Variants in AFDN observed in about 807,000 individuals in gnomAD.
AFDN encodes the protein afadin, adherens junction formation factor.
AFDN carries 68 observed loss-of-function variants against 216.6 expected under a neutral mutation model. The ratio of observed to expected loss-of-function variants is 0.31; its 90% CI spans 0.26 to 0.38. The LOEUF is 0.38. AFDN is among the 10% of genes least tolerant of loss of function. AFDN has a pLI of 1.00. For synonymous variants in AFDN, 868 were observed against 853.7 expected, an observed-to-expected ratio of 1.02 and a Z score of -0.29; for missense variants, 2,136 against 2,342.0, an observed-to-expected ratio of 0.91 and a Z score of 1.82.
At chr6:167,872,682 G>GT (rs1467231285) in intron 4 of AFDN, among the ~76,000 whole-genome samples, 2 of 152,104 alleles carry the variant, frequency 1.3e-5, no homozygotes, top group Non-Finnish European at 2.9e-5. Context: ...CTTCAGCTGG[G>GT]TTTTTTCCTC....
At chr6:167,904,405 T>A (rs774870180) in intron 12 of AFDN, among the ~76,000 whole-genome samples, 1 of 152,106 alleles carries the variant, frequency 6.6e-6, no homozygotes, top group Non-Finnish European at 1.5e-5. Context: ...AGATCGTGTT[T>A]CGCCATGTTG....
upstream of AFDN, chr6:167,826,630 C>G: frequency 1.6e-5 from 8 of 503,492 alleles, no homozygotes; most frequent in South Asian, 1.2e-4. Context: ...CCATTTAGAT[C>G]CAGCAGCGCG....
intron 10 of AFDN, 112 bp from the exon 11 acceptor site, chr6:167,898,093 G>T: frequency 8.6e-7 from 1 of 1,167,208 alleles, no homozygotes; most frequent in Non-Finnish European, 1.2e-6. Context: ...TAAAAATCCA[G>T]AGCTTATTAG....
At position 167,917,251 on chromosome 6, in the gene AFDN, A is replaced by G. The variant is rs757770075; in HGVS notation, c.2709+19A>G. Reference sequence around the variant, plus strand: ...CCCAACGGTGAGTGGATGTTGCCACATTACCACACAGTGCGGGACATGTTT... The same window carrying G: ...CCCAACGGTGAGTGGATGTTGCCACGTTACCACACAGTGCGGGACATGTTT... On this transcript the variant is annotated intron_variant, in intron 20 of 33. Transcript: ENST00000683244. The G allele has an allele frequency of 3.8e-6, 6 of 1,571,344 alleles. No individual in the cohort carries two copies. The highest frequency in any genetic ancestry group is 4.3e-6 in the Non-Finnish European group (5 of 1,163,768).
chr6:167,908,601 G>A (rs967122670), intron 13 of AFDN, among the ~76,000 whole-genome samples: 2 of 152,162 alleles, frequency 1.3e-5, no homozygotes, highest in Non-Finnish European at 2.9e-5. Context: ...GAATTCGCAC[G>A]AGGGAGTGGA....
chr6:167,861,277 A>G (rs2128219154), intron 1 of AFDN, among the ~76,000 whole-genome samples: 1 of 152,376 alleles, frequency 6.6e-6, no homozygotes, highest in East Asian at 1.9e-4. Context: ...AGGTATTAAT[A>G]CATTCTTGTG....
intron 22 of AFDN, among the ~76,000 whole-genome samples, chr6:167,924,536 C>A (rs1792254146): frequency 6.6e-6 from 1 of 152,172 alleles, no homozygotes; most frequent in East Asian, 1.9e-4. Flanking sequence ...TGGGTTTTCG[C>A]AAGAGACAAA....
At chr6:167,943,574 G>A in intron 25 of AFDN, 99 bp downstream of exon 25, 1 of 935,126 alleles carries the variant, frequency 1.1e-6, no homozygotes, top group Non-Finnish European at 1.8e-6. Context: ...GCTAAAACGT[G>A]CTCATATTAC....
At chr6:167,874,459 A>G (rs1004423323) in intron 4 of AFDN, among the ~76,000 whole-genome samples, 2 of 152,232 alleles carry the variant, frequency 1.3e-5, no homozygotes, top group Admixed American at 1.3e-4. Flanking sequence ...TCAGCTCATC[A>G]TTCTGTACAT....
At chr6:167,954,581 A>G (rs1019348523) in intron 30 of AFDN, 3 of 1,212,400 alleles carry the variant, frequency 2.5e-6, no homozygotes, top group Non-Finnish European at 3.5e-6. Flanking sequence ...TTTTCAGTAG[A>G]TCCAGTTCTC....
intron 1 of AFDN, among the ~76,000 whole-genome samples, chr6:167,831,230 C>G (rs924198636): frequency 6.6e-6 from 1 of 152,068 alleles, no homozygotes; most frequent in African/African-American, 2.4e-5. Context: ...AGCCACTGTG[C>G]CTGGCTGTCA....
chr6:167,944,983 A>C (rs1446673863), intron 26 of AFDN, among the ~76,000 whole-genome samples: 1 of 151,926 alleles, frequency 6.6e-6, no homozygotes, highest in Admixed American at 6.6e-5. Flanking sequence ...ACAAATATAT[A>C]TATATATTTC....
intron 30 of AFDN, among the ~76,000 whole-genome samples, chr6:167,959,767 A>G (rs1012812977): frequency 2.0e-5 from 3 of 152,234 alleles, no homozygotes; most frequent in Non-Finnish European, 2.9e-5. Flanking sequence ...GACTACCCAT[A>G]TAGCAGAACC....
At chr6:167,892,147 G>A (rs980155114) in intron 8 of AFDN, among the ~76,000 whole-genome samples, 1 of 152,080 alleles carries the variant, frequency 6.6e-6, no homozygotes. Context: ...GTGGCAGTGT[G>A]GCTTTAGGTA....
chr6:167,880,445 C>G lies in AFDN; in HGVS notation c.825C>G (p.Asp275Glu), dbSNP rs149224624. 5.2e-4 allele frequency: 844 copies of G among 1,613,840 alleles called. No homozygotes were observed. Among genetic ancestry groups the G allele is most frequent in the Non-Finnish European group, 6.8e-4 (808 of 1,179,774 alleles). ...TGCTGTCTACTACAGATCCTGCAGA[C>G]TTTGCTGTGGCTGAAGCTTTAGAGA... is the stretch of plus-strand genomic sequence containing the variant. The part of the protein sequence containing the change: ...TILLSTTDPA[D>E]FAVAEALEKY... Residue 275 changes from aspartate to glutamate, a missense_variant, in exon 6 of 34, where the codon GAC becomes GAG. This residue lies in a region of AFDN where 817 missense variants were observed against 965.7 expected (regional missense o/e 0.85). Transcript: ENST00000683244.
At chr6:167,952,558 A>G (rs73788656) in intron 30 of AFDN, 86,490 of 968,584 alleles carry the variant, frequency 0.089, 5,036 homozygotes, top group South Asian at 0.23. Context: ...GGCCAGATTG[A>G]TACTTTAGGC....
At chr6:167,906,117 A>G (rs1789653073) in intron 12 of AFDN, among the ~76,000 whole-genome samples, 1 of 152,162 alleles carries the variant, frequency 6.6e-6, no homozygotes, top group African/African-American at 2.4e-5. Flanking sequence ...AAAAAAACCA[A>G]AAAACTCTTA....
rs1036360430 is a variant in AFDN, at chr6:167,893,691, G to A, written c.1178-171G>A. 4.9e-6 allele frequency: 3 copies of A among 612,870 alleles called. No individual in the cohort carries two copies. The African/African-American group carries it at 5.5e-5, about 11-fold the overall frequency. The allele number at this position is 612,870 out of a possible 1,614,324, so 38.0% of individuals were successfully genotyped here. A position where few individuals can be genotyped will look rare whatever the true frequency, so the allele number is the denominator to read the frequency against. ...CTGACTGGGGCACTAGTATAGTCTT[G>A]TCCTCACAAAAGCTGATGGGTGAAG... On this transcript the variant is annotated intron_variant, in intron 8 of 33. Transcript: ENST00000683244.
intron 12 of AFDN, 56 bp downstream of exon 12, chr6:167,902,442 G>A: frequency 7.9e-7 from 1 of 1,266,268 alleles, no homozygotes; most frequent in Non-Finnish European, 1.2e-6. Flanking sequence ...CACCATGGAT[G>A]AATACAGTAG....
Sources: gnomAD v4.1 joint callset for allele counts (sites outside exome capture counted in the v4.1 genomes callset) on GRCh38, gnomAD v4.1.1 for gene constraint, gnomAD v4.1.1 regional missense constraint, MANE v1.5 for transcripts, NCBI Gene and HGNC (gene_info 2026-07-23, HGNC 2026-07-21) for gene names.